Variants in PCDHGA3 observed in about 807,000 individuals in gnomAD.
PCDHGA3 encodes protocadherin gamma subfamily A, 3.
PCDHGA3 carries 40 observed loss-of-function variants against 58.5 expected under a neutral mutation model. The observed-to-expected ratio is 0.68, with a 90% CI of 0.53 to 0.89. PCDHGA3 has a LOEUF of 0.89. PCDHGA3 is among the 40% of genes least tolerant of loss of function. The probability of loss-of-function intolerance (pLI) is 0.00; values close to 1 mark genes in which losing one functional copy is unlikely to be tolerated. For synonymous variants in PCDHGA3, 530 were observed against 525.7 expected, an observed-to-expected ratio of 1.01 and a Z score of -0.11; for missense variants, 1,223 against 1,195.9, an observed-to-expected ratio of 1.02 and a Z score of -0.33.
chr5:141,508,183 A>G (rs1596134418), intron 3 of PCDHGA3: 1 of 152,336 alleles, frequency 6.6e-6, no homozygotes, highest in African/African-American at 2.4e-5. Context: ...GAGAGAAGGC[A>G]TCACCCCCAC....
chr5:141,372,305 C>T (rs749468095), intron 1 of PCDHGA3: 5 of 1,613,260 alleles, frequency 3.1e-6, no homozygotes, highest in South Asian at 1.1e-5. Context: ...ACAGGGAGGC[C>T]GCCCGCCAGC....
intron 1 of PCDHGA3, chr5:141,391,507 T>C (rs2092381186): frequency 6.6e-6 from 1 of 152,172 alleles, no homozygotes; most frequent in Non-Finnish European, 1.5e-5. Context: ...AGAAAATATT[T>C]TCTTTCACTA....
intron 2 of PCDHGA3, among the ~76,000 whole-genome samples, chr5:141,502,832 G>T (rs1266910323): frequency 6.6e-6 from 1 of 150,516 alleles, no homozygotes; most frequent in Non-Finnish European, 1.5e-5. Context: ...GGGGAAGCCT[G>T]GACTGGCTGA....
intron 1 of PCDHGA3, among the ~76,000 whole-genome samples, chr5:141,484,645 T>C (rs948669787): frequency 1.3e-5 from 2 of 151,970 alleles, no homozygotes; most frequent in Admixed American, 6.6e-5. Context: ...CACTCTCCAA[T>C]GGCTACTCTC....
chr5:141,360,527 C>A, intron 1 of PCDHGA3: 1 of 1,613,910 alleles, frequency 6.2e-7, no homozygotes, highest in Non-Finnish European at 8.5e-7. Flanking sequence ...GATAATACCC[C>A]GCTATTCAAA....
intron 1 of PCDHGA3, chr5:141,373,780 T>A (rs1403034903): frequency 7.2e-6 from 2 of 277,114 alleles, no homozygotes; most frequent in Non-Finnish European, 1.3e-5. Flanking sequence ...CTCTGCAGAT[T>A]TAGCAGAAAT....
rs1236961370 is a variant in PCDHGA3, at chr5:141,512,621, C to T, written c.*1448C>T. 1 of 152,964 alleles carries T rather than the reference C, an allele frequency of 6.5e-6. No homozygotes were observed. The highest frequency in any genetic ancestry group is 1.5e-5 in the Non-Finnish European group (1 of 68,612). 9.5% of individuals were successfully genotyped at this position (152,964 alleles called of 1,614,324 possible). A position where few individuals can be genotyped will look rare whatever the true frequency, so the allele number is the denominator to read the frequency against. Reference sequence around the variant, plus strand: ...CCATCCAGCGGGGCTGCCAGAGAACCCCAGACCTGCCCTTACAGTAGTGTA... The same window carrying T: ...CCATCCAGCGGGGCTGCCAGAGAACTCCAGACCTGCCCTTACAGTAGTGTA... On this transcript the variant is annotated 3_prime_UTR_variant, in exon 4 of 4. Coordinates refer to ENST00000253812, the MANE Select transcript of PCDHGA3 (RefSeq NM_018916.4).
chr5:141,414,642 C>A (rs547014431), intron 1 of PCDHGA3: 1 of 1,613,962 alleles, frequency 6.2e-7, no homozygotes, highest in Admixed American at 1.7e-5. Context: ...AAGAGAATGC[C>A]CAGATTATTT....
At chr5:141,419,049 C>T in intron 1 of PCDHGA3, 6 of 1,613,954 alleles carry the variant, frequency 3.7e-6, no homozygotes, top group Non-Finnish European at 5.1e-6. Flanking sequence ...ATTCATTCTT[C>T]TTCTAATAAT....
intron 1 of PCDHGA3, chr5:141,394,859 C>T: frequency 6.2e-7 from 1 of 1,613,758 alleles, no homozygotes; most frequent in Non-Finnish European, 8.5e-7. Context: ...AGCCTTCGGT[C>T]GACCCGAACG....
chr5:141,450,479 G>GTTTT (rs1165567597), intron 1 of PCDHGA3, among the ~76,000 whole-genome samples: 124 of 152,020 alleles, frequency 8.2e-4, no homozygotes, highest in African/African-American at 2.9e-3. Flanking sequence ...GAGTTTGTTT[G>GTTTT]TTTGTTTGTC....
intron 1 of PCDHGA3, chr5:141,376,356 CA>C (rs1259525756): frequency 2.5e-6 from 4 of 1,614,228 alleles, no homozygotes; most frequent in Non-Finnish European, 1.7e-6. Context: ...CACGAGGTCT[CA>C]CTCACTGCAG....
intron 1 of PCDHGA3, chr5:141,371,032 C>G (rs547337082): frequency 6.2e-7 from 1 of 1,614,002 alleles, no homozygotes; most frequent in South Asian, 1.1e-5. Context: ...CTGGTCCTCA[C>G]AGCTGTGGAT....
At chr5:141,422,498 C>T (rs1482415670) in intron 1 of PCDHGA3, 1 of 1,613,964 alleles carries the variant, frequency 6.2e-7, no homozygotes, top group Admixed American at 1.7e-5. Flanking sequence ...ATAACGTTGA[C>T]AGCCACAGAC....
intron 1 of PCDHGA3, among the ~76,000 whole-genome samples, chr5:141,481,184 C>A (rs2099533291): frequency 6.6e-6 from 1 of 152,146 alleles, no homozygotes; most frequent in African/African-American, 2.4e-5. Flanking sequence ...CTTTATTGGG[C>A]CAGGCCCAAT....
intron 1 of PCDHGA3, among the ~76,000 whole-genome samples, chr5:141,482,554 A>T (rs997707871): frequency 4.1e-5 from 6 of 146,884 alleles, no homozygotes; most frequent in Non-Finnish European, 6.0e-5. Flanking sequence ...AAAAAAGATA[A>T]TGGAGATCTG....
intron 1 of PCDHGA3, chr5:141,423,723 T>C: frequency 8.5e-7 from 1 of 1,174,478 alleles, no homozygotes; most frequent in Non-Finnish European, 1.1e-6. Context: ...TAAGGAGATG[T>C]TTTTTGAGCC....
intron 1 of PCDHGA3, among the ~76,000 whole-genome samples, chr5:141,437,156 G>A (rs2097864365): frequency 6.6e-6 from 1 of 152,172 alleles, no homozygotes. Flanking sequence ...TAACATATGT[G>A]TTGATTGTTT....
At chr5:141,417,772 C>A (rs2240701) in intron 1 of PCDHGA3, 340,590 of 1,455,726 alleles carry the variant, frequency 0.23, 43,476 homozygotes, top group African/African-American at 0.5. Flanking sequence ...GGGACTCCTC[C>A]TGTCCTGGGC....
Sources: allele counts gnomAD v4.1 joint callset (sites outside exome capture counted in the v4.1 genomes callset), GRCh38; gene constraint gnomAD v4.1.1; transcripts MANE v1.5; gene names NCBI Gene and HGNC (gene_info 2026-07-23, HGNC 2026-07-21).